The following GPAT3 variants were observed in gnomAD, a reference collection of about 807,000 sequenced individuals.
The protein encoded by GPAT3 is 1-AGP acyltransferase 9.
Under a neutral mutation model 58.8 loss-of-function variants are expected in GPAT3, and 53 were observed. That is an observed-to-expected ratio of 0.90 (90% CI 0.72 to 1.13). The LOEUF is 1.13. GPAT3 is among the 50% of genes most tolerant of loss of function. GPAT3 has a pLI of 0.00. For synonymous variants in GPAT3, 197 were observed against 187.4 expected, an observed-to-expected ratio of 1.05 and a Z score of -0.42; for missense variants, 511 against 527.6, an observed-to-expected ratio of 0.97 and a Z score of 0.31.
At chr4:83,544,894 G>GA (rs879338292) in intron 2 of GPAT3, among the ~76,000 whole-genome samples, 89 of 138,304 alleles carry the variant, frequency 6.4e-4, no homozygotes, top group African/African-American at 1.3e-3. Flanking sequence ...ATGGCCAAAA[G>GA]AAAAAAAAAA....
intron 2 of GPAT3, among the ~76,000 whole-genome samples, chr4:83,568,675 C>G (rs1725495857): frequency 6.6e-6 from 1 of 151,756 alleles, no homozygotes; most frequent in African/African-American, 2.4e-5. Context: ...ACCCGGCCAA[C>G]TTTTTGTATT....
At chr4:83,546,506 A>G (rs1332676872) in intron 2 of GPAT3, among the ~76,000 whole-genome samples, 1 of 148,866 alleles carries the variant, frequency 6.7e-6, no homozygotes, top group African/African-American at 2.5e-5. Context: ...TGTCTTTTCT[A>G]TGGTGTCTCC....
chr4:83,569,864 C>T (rs1725538163), intron 2 of GPAT3, among the ~76,000 whole-genome samples: 1 of 151,952 alleles, frequency 6.6e-6, no homozygotes, highest in South Asian at 2.1e-4. Context: ...AATTGTGTCA[C>T]AACTTTCTGG....
chr4:83,535,781 G>A (rs1724053671), upstream of GPAT3: 2 of 985,476 alleles, frequency 2.0e-6, no homozygotes, highest in South Asian at 9.4e-5. Context: ...ACGGCTGCGT[G>A]GTGCGCTCTG....
At chr4:83,592,264 G>A (rs1032612510) in intron 6 of GPAT3, among the ~76,000 whole-genome samples, 1 of 152,136 alleles carries the variant, frequency 6.6e-6, no homozygotes, top group African/African-American at 2.4e-5. Flanking sequence ...CCAAAATTTA[G>A]AAAAGCATAG....
intron 2 of GPAT3, 76 bp from the exon 3 acceptor site, chr4:83,581,486 A>G (rs2110097881): frequency 6.8e-7 from 1 of 1,460,744 alleles, no homozygotes; most frequent in South Asian, 1.3e-5. Flanking sequence ...TTTAACTTCT[A>G]CACAGTTAAA....
chr4:83,549,973 T>A (rs944664101), intron 2 of GPAT3, among the ~76,000 whole-genome samples: 3 of 151,486 alleles, frequency 2.0e-5, no homozygotes, highest in Non-Finnish European at 4.4e-5. Flanking sequence ...TCCACCTGCC[T>A]CAGCCTCCCA....
At chr4:83,549,539 T>C (rs1724672997) in intron 2 of GPAT3, among the ~76,000 whole-genome samples, 1 of 149,132 alleles carries the variant, frequency 6.7e-6, no homozygotes, top group African/African-American at 2.4e-5. Context: ...TATATATTAT[T>C]ATTATTTTTT....
intron 2 of GPAT3, among the ~76,000 whole-genome samples, chr4:83,562,476 G>T (rs1470594660): frequency 6.6e-6 from 1 of 151,326 alleles, no homozygotes; most frequent in Non-Finnish European, 1.5e-5. Context: ...GAAAGGAGGC[G>T]TAGTAGACAG....
At chr4:83,587,641 G>A (rs1363282710) in intron 4 of GPAT3, among the ~76,000 whole-genome samples, 5 of 151,964 alleles carry the variant, frequency 3.3e-5, no homozygotes, top group Non-Finnish European at 7.4e-5. Flanking sequence ...TAGGCCAGGG[G>A]GGTCTCGAAC....
At chr4:83,563,478 C>CTTTTTT (rs908400401) in intron 2 of GPAT3, among the ~76,000 whole-genome samples, 159 of 114,416 alleles carry the variant, frequency 1.4e-3, no homozygotes, top group Middle Eastern at 5.7e-3. Context: ...TTTCTTTCTT[C>CTTTTTT]TTTTTTTTTT....
At chr4:83,566,896 T>G (rs1272305875) in intron 2 of GPAT3, among the ~76,000 whole-genome samples, 1 of 152,072 alleles carries the variant, frequency 6.6e-6, no homozygotes, top group Non-Finnish European at 1.5e-5. Context: ...AGTTTTATAT[T>G]TTAGTTGCTA....
intron 2 of GPAT3, among the ~76,000 whole-genome samples, chr4:83,565,193 T>G (rs1331109627): frequency 6.6e-6 from 1 of 152,040 alleles, no homozygotes; most frequent in Non-Finnish European, 1.5e-5. Flanking sequence ...CTCTGCCTCC[T>G]GGGTTCAAGT....
intron 2 of GPAT3, among the ~76,000 whole-genome samples, chr4:83,548,383 A>T (rs1724624083): frequency 6.6e-6 from 1 of 152,206 alleles, no homozygotes; most frequent in Admixed American, 6.5e-5. Flanking sequence ...TCCAGGGATT[A>T]TGATGCTGTT....
chr4:83,542,170 A>G (rs1263403894), intron 1 of GPAT3, among the ~76,000 whole-genome samples: 1 of 152,240 alleles, frequency 6.6e-6, no homozygotes, highest in Non-Finnish European at 1.5e-5. Flanking sequence ...TACTATTTGT[A>G]TAAAATATAA....
intron 11 of GPAT3, among the ~76,000 whole-genome samples, chr4:83,599,116 A>G (rs1210331348): frequency 6.6e-6 from 1 of 152,028 alleles, no homozygotes; most frequent in Non-Finnish European, 1.5e-5. Flanking sequence ...AATCACTGGT[A>G]ATAATGTCAT....
chr4:83,588,503 G>C (rs1386316627), intron 5 of GPAT3, among the ~76,000 whole-genome samples: 3 of 152,170 alleles, frequency 2.0e-5, no homozygotes, highest in Admixed American at 2.0e-4. Context: ...TAATAAACAC[G>C]TAGTTGTGCT....
At chr4:83,579,146 CCTCT>C (rs377192837) in intron 2 of GPAT3, among the ~76,000 whole-genome samples, 20 of 106,464 alleles carry the variant, frequency 1.9e-4, no homozygotes, top group African/African-American at 5.4e-4. Flanking sequence ...TCCCTCCCTC[CCTCT>C]CTCTCTTTCT....
chr4:83,556,311 A>G (rs959784217), intron 2 of GPAT3, among the ~76,000 whole-genome samples: 3 of 152,196 alleles, frequency 2.0e-5, no homozygotes, highest in African/African-American at 7.2e-5. Context: ...CATTCTGGCC[A>G]ACATGGTGGA....
Sources: allele counts gnomAD v4.1 joint callset (sites outside exome capture counted in the v4.1 genomes callset), GRCh38; gene constraint gnomAD v4.1.1; transcripts MANE v1.5; gene names NCBI Gene and HGNC (gene_info 2026-07-23, HGNC 2026-07-21).